The following MYO1D variants were observed in gnomAD, a reference collection of about 807,000 sequenced individuals.
MYO1D encodes the protein myosin ID.
MYO1D carries 83 observed loss-of-function variants against 122.0 expected under a neutral mutation model. The ratio of observed to expected loss-of-function variants is 0.68; its 90% confidence interval spans 0.57 to 0.82. The LOEUF is 0.82. Ranked by LOEUF, MYO1D falls within the 40% of genes least tolerant of loss-of-function variation. MYO1D has a pLI of 0.00. For synonymous variants in MYO1D, 464 were observed against 446.9 expected (o/e 1.04, Z -0.48); for missense variants, 1,157 against 1,269.5 (o/e 0.91, Z 1.35).
chr17:32,731,161 C>A (rs2089634963), intron 14 of MYO1D, among the ~76,000 whole-genome samples: 1 of 152,178 alleles, frequency 6.6e-6, no homozygotes, highest in Non-Finnish European at 1.5e-5. Flanking sequence ...CTCGCCTCGG[C>A]CTCCCAAAGT....
chr17:32,850,306 CTA>C (rs1016414316), intron 1 of MYO1D, among the ~76,000 whole-genome samples: 13 of 152,152 alleles, frequency 8.5e-5, no homozygotes, highest in African/African-American at 3.1e-4. Flanking sequence ...GAGAATCAAA[CTA>C]TGTGAAGTTT....
At chr17:32,739,328 T>C (rs2089746530) in intron 13 of MYO1D, among the ~76,000 whole-genome samples, 1 of 151,882 alleles carries the variant, frequency 6.6e-6, no homozygotes, top group Admixed American at 6.6e-5. Context: ...AAAGGATGAG[T>C]TCATGTCCTT....
intron 16 of MYO1D, among the ~76,000 whole-genome samples, chr17:32,695,993 T>G (rs1005114134): frequency 6.6e-6 from 1 of 152,220 alleles, no homozygotes; most frequent in Admixed American, 6.5e-5. Flanking sequence ...AGCAGGTTAT[T>G]TGCCTTTTAA....
chr17:32,616,966 T>A (rs1168863878), intron 20 of MYO1D, among the ~76,000 whole-genome samples: 1 of 152,104 alleles, frequency 6.6e-6, no homozygotes, highest in East Asian at 1.9e-4. Flanking sequence ...ATTGGGTGGA[T>A]CACCTGAGGC....
chr17:32,857,262 T>G (rs1255678526), intron 1 of MYO1D, among the ~76,000 whole-genome samples: 4 of 152,156 alleles, frequency 2.6e-5, no homozygotes, highest in African/African-American at 9.7e-5. Context: ...TCTTCCCAAC[T>G]GTAATGAATT....
At chr17:32,826,945 G>A (rs1210994918) in intron 1 of MYO1D, among the ~76,000 whole-genome samples, 1 of 152,106 alleles carries the variant, frequency 6.6e-6, no homozygotes, top group Non-Finnish European at 1.5e-5. Flanking sequence ...TGTATGTTAG[G>A]AAAAATGGTG....
intron 1 of MYO1D, among the ~76,000 whole-genome samples, chr17:32,865,276 C>T (rs1567677661): frequency 1.3e-5 from 2 of 152,142 alleles, no homozygotes; most frequent in African/African-American, 2.4e-5. Flanking sequence ...GATAACCCGG[C>T]GTTGCTACAG....
chr17:32,726,457 T>C (rs187207017), intron 14 of MYO1D, among the ~76,000 whole-genome samples: 7 of 140,816 alleles, frequency 5.0e-5, no homozygotes, highest in Admixed American at 1.4e-4. Context: ...AAGTCATGCT[T>C]TTCATGAGTA....
chr17:32,638,719 T>C lies in MYO1D; in HGVS notation c.2709+3A>G. On this transcript the variant is annotated splice_donor_region_variant and intron_variant, in intron 20 of 21. Coordinates refer to ENST00000318217, the MANE Select transcript of MYO1D (RefSeq NM_015194.3). ...TATCCAGAGAGAAGCACAGAGGACT[T>C]ACATTGTATAGAGGGATAGTCTTCA... 2 of 1,597,652 alleles carry C rather than the reference T, an allele frequency of 1.3e-6. No individual in the cohort carries two copies. Among genetic ancestry groups the C allele is most frequent in the Non-Finnish European group, 1.7e-6 (2 of 1,165,358 alleles).
At chr17:32,776,181 T>C in intron 3 of MYO1D, 152 bp from the exon 4 acceptor site, 1 of 675,022 alleles carries the variant, frequency 1.5e-6, no homozygotes. Context: ...AACAAATTAA[T>C]GTCCACCAAT....
chr17:32,587,776 C>G (rs981404002), intron 21 of MYO1D, among the ~76,000 whole-genome samples: 16 of 152,206 alleles, frequency 1.1e-4, no homozygotes, highest in Non-Finnish European at 1.5e-4. Context: ...GCCTCCCTTC[C>G]CTGTGGGATT....
At chr17:32,698,525 C>T (rs1358555491) in intron 16 of MYO1D, among the ~76,000 whole-genome samples, 1 of 151,916 alleles carries the variant, frequency 6.6e-6, no homozygotes, top group Non-Finnish European at 1.5e-5. Flanking sequence ...TGAAAGCCCC[C>T]ATCACTTCAT....
In MYO1D at chr17:32,662,788, T is replaced by C. The variant is rs555420594; in HGVS notation, c.2122-3450A>G. Among the ~76,000 whole-genome samples, 5 of 152,284 alleles carry C rather than the reference T, an allele frequency of 3.3e-5. No individual in the cohort carries two copies. The East Asian group carries it at 9.7e-4, about 29-fold the overall frequency. On this transcript the variant is annotated intron_variant, in intron 16 of 21. Coordinates refer to ENST00000318217, the MANE Select transcript of MYO1D (RefSeq NM_015194.3). ...TACCTTGTAGTGTTATGAGGATTAA[T>C]GGAGTTAATACATACGCAACACTTA... is the stretch of plus-strand genomic sequence containing the variant.
chr17:32,512,627 G>A (rs1043964401), intron 21 of MYO1D, among the ~76,000 whole-genome samples: 4 of 152,220 alleles, frequency 2.6e-5, no homozygotes, highest in African/African-American at 9.6e-5. Flanking sequence ...CAGCATGTCA[G>A]GATTTCTCAT....
At chr17:32,681,380 T>C (rs1480580441) in intron 16 of MYO1D, among the ~76,000 whole-genome samples, 4 of 140,896 alleles carry the variant, frequency 2.8e-5, no homozygotes, top group South Asian at 2.6e-4. Flanking sequence ...CTTTCTCTTG[T>C]GGGCATTTAG....
intron 21 of MYO1D, among the ~76,000 whole-genome samples, chr17:32,596,227 T>C (rs1241904434): frequency 1.3e-5 from 2 of 152,232 alleles, no homozygotes; most frequent in East Asian, 1.9e-4. Context: ...TTATGGAATA[T>C]AAACTATTAA....
intron 21 of MYO1D, among the ~76,000 whole-genome samples, chr17:32,501,238 A>G (rs150070279): frequency 4.5e-4 from 69 of 152,322 alleles, no homozygotes; most frequent in African/African-American, 1.5e-3. Context: ...GGTGTCATCC[A>G]CAGTTCCTAG....
At position 32,763,579 on chromosome 17, in the gene MYO1D, C is replaced by A. The variant is rs531402140; in HGVS notation, c.1035+1299G>T. On this transcript the variant is annotated intron_variant, in intron 8 of 21. Coordinates refer to ENST00000318217, the MANE Select transcript of MYO1D (RefSeq NM_015194.3). ...TATACTAGTAATGAAATAAAAGTAA[C>A]AATAAAATATTACCATGCAGCCATA... Among the ~76,000 whole-genome samples the A allele has an allele frequency of 2.6e-5, 4 of 152,054 alleles. No individual in the cohort carries two copies. The South Asian group carries it at 6.2e-4, about 24-fold the overall frequency.
rs1567627779 is a variant in MYO1D at position 32,760,417 on chromosome 17, G to A, written c.1182-13C>T. The A allele has an allele frequency of 1.2e-6, 2 of 1,604,538 alleles. No individual in the cohort carries two copies. Among genetic ancestry groups the A allele is most frequent in the South Asian group, 1.1e-5 (1 of 90,140 alleles). Reference sequence around the variant, plus strand: ...GAATTGTTCAAAACTACAAGAAAAGGAATAAATTAAGTTTCAACAAATAGA... The same window carrying A: ...GAATTGTTCAAAACTACAAGAAAAGAAATAAATTAAGTTTCAACAAATAGA... On this transcript the variant is annotated splice_polypyrimidine_tract_variant and intron_variant, in intron 9 of 21. Transcript: ENST00000318217.
Sources: allele counts gnomAD v4.1 joint callset (sites outside exome capture counted in the v4.1 genomes callset), GRCh38; gene constraint gnomAD v4.1.1; transcripts MANE v1.5; gene names NCBI Gene and HGNC (gene_info 2026-07-23, HGNC 2026-07-21).